PACRG: variants seen among roughly 807,000 people sequenced by gnomAD.
The protein encoded by PACRG is parkin coregulated gene protein.
PACRG carries 29 observed loss-of-function variants against 29.7 expected under a neutral mutation model. The ratio of observed to expected loss-of-function variants is 0.98; its 90% CI spans 0.73 to 1.33. PACRG has a LOEUF of 1.33. PACRG is among the 40% of genes most tolerant of loss of function. PACRG has a pLI of 0.00. For missense variants in PACRG, 279 were observed against 316.2 expected, an observed-to-expected ratio of 0.88 and a Z score of 0.89; for synonymous variants, 116 against 118.7, an observed-to-expected ratio of 0.98 and a Z score of 0.15.
intron 2 of PACRG, among the ~76,000 whole-genome samples, chr6:163,039,922 A>G (rs767127056): frequency 1.3e-5 from 2 of 152,210 alleles, no homozygotes; most frequent in Non-Finnish European, 1.5e-5. Flanking sequence ...CTGGTGAGGA[A>G]CTCAAGCTGG....
chr6:163,284,362 G>A (rs1288430052), intron 4 of PACRG, among the ~76,000 whole-genome samples: 1 of 152,126 alleles, frequency 6.6e-6, no homozygotes, highest in Non-Finnish European at 1.5e-5. Flanking sequence ...GTCATCTTCC[G>A]TTCCAGCCGG....
chr6:162,909,759 A>G (rs1796181717), intron 2 of PACRG, among the ~76,000 whole-genome samples: 1 of 152,038 alleles, frequency 6.6e-6, no homozygotes, highest in South Asian at 2.1e-4. Flanking sequence ...GAACTTCTTA[A>G]GAGTAAGGGC....
At chr6:162,792,637 A>G (rs1785050892) in intron 1 of PACRG, among the ~76,000 whole-genome samples, 2 of 152,212 alleles carry the variant, frequency 1.3e-5, no homozygotes, top group African/African-American at 4.8e-5. Flanking sequence ...CAGTGTTATA[A>G]AATGGATTTT....
intron 2 of PACRG, among the ~76,000 whole-genome samples, chr6:162,860,415 A>G (rs753348676): frequency 1.3e-5 from 2 of 152,242 alleles, no homozygotes; most frequent in Non-Finnish European, 1.5e-5. Flanking sequence ...AATTCTTTAG[A>G]AAGTAAGTTG....
chr6:163,050,860 G>A (rs1289620908), intron 2 of PACRG, among the ~76,000 whole-genome samples: 2 of 152,092 alleles, frequency 1.3e-5, no homozygotes, highest in Non-Finnish European at 2.9e-5. Flanking sequence ...AAAGTGTCTA[G>A]ATCTGCATTT....
At chr6:163,117,433 A>T (rs1816057704) in intron 4 of PACRG, among the ~76,000 whole-genome samples, 1 of 152,202 alleles carries the variant, frequency 6.6e-6, no homozygotes, top group Non-Finnish European at 1.5e-5. Context: ...AGGTCATGAA[A>T]GGAGTGGAGG....
At chr6:163,104,356 A>G (rs949302635) in intron 4 of PACRG, among the ~76,000 whole-genome samples, 1 of 152,156 alleles carries the variant, frequency 6.6e-6, no homozygotes, top group Admixed American at 6.5e-5. Flanking sequence ...ATTCCTTCTC[A>G]GAGTTATGGA....
At chr6:163,291,022 C>T (rs1784582112) in intron 4 of PACRG, among the ~76,000 whole-genome samples, 1 of 152,184 alleles carries the variant, frequency 6.6e-6, no homozygotes, top group African/African-American at 2.4e-5. Context: ...AGGCACTGGC[C>T]TGGCCATTTA....
chr6:163,104,029 T>C (rs921382385), intron 4 of PACRG, among the ~76,000 whole-genome samples: 3 of 152,220 alleles, frequency 2.0e-5, no homozygotes, highest in African/African-American at 7.2e-5. Flanking sequence ...AAAGATTTCT[T>C]TTATTTAAGG....
At chr6:163,186,410 G>GAC (rs141996291) in intron 4 of PACRG, among the ~76,000 whole-genome samples, 2 of 151,508 alleles carry the variant, frequency 1.3e-5, no homozygotes, top group Middle Eastern at 3.4e-3. Context: ...CACAGACACA[G>GAC]ACACACACAC....
intron 4 of PACRG, among the ~76,000 whole-genome samples, chr6:163,304,811 C>T (rs939980396): frequency 6.6e-6 from 1 of 152,104 alleles, no homozygotes; most frequent in Non-Finnish European, 1.5e-5. Context: ...TGACCGGCTT[C>T]GTGAGGGAGA....
chr6:163,157,639 C>T (rs371954082), intron 4 of PACRG, among the ~76,000 whole-genome samples: 213 of 152,326 alleles, frequency 1.4e-3, no homozygotes, highest in African/African-American at 4.8e-3. Flanking sequence ...AATATAAGAA[C>T]AGTTATCCAG....
At chr6:163,059,964 A>C (rs1810956345) in intron 2 of PACRG, among the ~76,000 whole-genome samples, 1 of 152,212 alleles carries the variant, frequency 6.6e-6, no homozygotes, top group African/African-American at 2.4e-5. Flanking sequence ...CACTAAGATA[A>C]ATTTAAGTTT....
intron 4 of PACRG, among the ~76,000 whole-genome samples, chr6:163,156,151 C>T (rs1338121675): frequency 6.6e-6 from 1 of 152,252 alleles, no homozygotes; most frequent in Non-Finnish European, 1.5e-5. Context: ...GCTCCTGCAG[C>T]CTCTTCTCCA....
chr6:163,304,384 A>G (rs1785118589), intron 4 of PACRG, among the ~76,000 whole-genome samples: 1 of 152,224 alleles, frequency 6.6e-6, no homozygotes, highest in Non-Finnish European at 1.5e-5. Flanking sequence ...ACAAGGTAGC[A>G]ATTTACTTAT....
chr6:163,221,995 C>A lies in PACRG; in HGVS notation c.614-92832C>A, dbSNP rs115869671. Among the ~76,000 whole-genome samples, 3 of 152,234 alleles carry A rather than the reference C, an allele frequency of 2.0e-5. No homozygotes were observed. In the East Asian group the frequency reaches 5.8e-4, roughly 29 times the overall value. On this transcript the variant is annotated intron_variant, in intron 4 of 4. Transcript: ENST00000366888. ...GACAGGCTGCACCCTGATCACCTGGCGATATTCAGGTGCAGTGCAGGAGAC... is the reference window on the plus strand; with the variant it reads ...GACAGGCTGCACCCTGATCACCTGGAGATATTCAGGTGCAGTGCAGGAGAC...
At chr6:162,789,455 C>T (rs1686852867) in intron 1 of PACRG, among the ~76,000 whole-genome samples, 1 of 152,146 alleles carries the variant, frequency 6.6e-6, no homozygotes, top group Admixed American at 6.5e-5. Context: ...ACTAACAACT[C>T]ATCTTCTAAG....
At chr6:162,957,733 A>ATT (rs1304272794) in intron 2 of PACRG, among the ~76,000 whole-genome samples, 4 of 152,126 alleles carry the variant, frequency 2.6e-5, no homozygotes, top group Admixed American at 2.6e-4. Context: ...TCCTTTTAAA[A>ATT]TTAAGAAGCC....
Position 163,189,198 on chromosome 6 carries a change from T to C in PACRG, c.613+99790T>C, listed in dbSNP as rs556739628. 1.2e-4 allele frequency among the ~76,000 whole-genome samples: 18 copies of C among 152,382 alleles called. No individual in the cohort carries two copies. In the South Asian group the frequency reaches 2.5e-3, roughly 21 times the overall value. ...CATCTGTACTGCTAAGTTCTACGTA[T>C]AACATAGTTTTGTTAAAGAAAAGTC... is the stretch of plus-strand genomic sequence containing the variant. On this transcript the variant is annotated intron_variant, in intron 4 of 4. Coordinates refer to ENST00000366888, the MANE Select transcript of PACRG (RefSeq NM_001080379.2).
Sources: allele counts gnomAD v4.1 joint callset (sites outside exome capture counted in the v4.1 genomes callset), GRCh38; gene constraint gnomAD v4.1.1; transcripts MANE v1.5; gene names NCBI Gene and HGNC (gene_info 2026-07-23, HGNC 2026-07-21).